Variants in LSAMP observed in about 807,000 individuals in gnomAD.
The protein encoded by LSAMP is limbic system associated membrane protein.
Under a neutral mutation model 38.6 loss-of-function variants are expected in LSAMP, and 7 were observed. That is an observed-to-expected ratio of 0.18 (90% CI 0.10 to 0.34). LSAMP has a LOEUF of 0.34. Ranked by LOEUF, LSAMP falls within the 10% of genes least tolerant of loss-of-function variation. LSAMP has a pLI of 1.00. For missense variants in LSAMP, 313 were observed against 420.0 expected (o/e 0.75, Z 2.23); for synonymous variants, 154 against 166.8 (o/e 0.92, Z 0.59).
At chr3:115,836,056 C>A (rs948104231) in intron 6 of LSAMP, among the ~76,000 whole-genome samples, 1 of 152,106 alleles carries the variant, frequency 6.6e-6, no homozygotes, top group Non-Finnish European at 1.5e-5. Context: ...GTTTAAATGA[C>A]TCAGCTTAAT....
At chr3:115,964,805 A>G (rs1487100167) in intron 3 of LSAMP, among the ~76,000 whole-genome samples, 2 of 152,160 alleles carry the variant, frequency 1.3e-5, no homozygotes, top group Non-Finnish European at 2.9e-5. Context: ...ACAATATTAT[A>G]CCAAATGTAG....
chr3:116,075,495 G>A (rs1289746939), intron 2 of LSAMP, among the ~76,000 whole-genome samples: 2 of 151,114 alleles, frequency 1.3e-5, no homozygotes, highest in Non-Finnish European at 2.9e-5. Flanking sequence ...ATATGCCAAT[G>A]GCATTAAAGC....
intron 1 of LSAMP, among the ~76,000 whole-genome samples, chr3:116,415,118 T>C (rs922896692): frequency 2.6e-5 from 4 of 152,138 alleles, no homozygotes; most frequent in African/African-American, 7.2e-5. Context: ...AATTTGAAGA[T>C]GCTTTCAGAT....
intron 1 of LSAMP, among the ~76,000 whole-genome samples, chr3:116,141,888 T>A (rs186729237): frequency 2.0e-5 from 3 of 152,086 alleles, no homozygotes; most frequent in Non-Finnish European, 2.9e-5. Flanking sequence ...AGGCAAGTGA[T>A]TGTCTTTTGT....
intron 1 of LSAMP, among the ~76,000 whole-genome samples, chr3:116,203,500 T>C (rs1257460138): frequency 2.6e-5 from 4 of 151,392 alleles, no homozygotes; most frequent in Non-Finnish European, 5.9e-5. Context: ...CTGCACCCAC[T>C]AACTCGTCAT....
At chr3:116,083,273 C>T (rs767956509) in intron 2 of LSAMP, among the ~76,000 whole-genome samples, 3 of 152,150 alleles carry the variant, frequency 2.0e-5, no homozygotes, top group Non-Finnish European at 4.4e-5. Context: ...TCATCAACAG[C>T]ATTGTTATCA....
At chr3:115,814,248 A>G (rs1577029485) in intron 6 of LSAMP, 2 of 152,236 alleles carry the variant, frequency 1.3e-5, no homozygotes, top group African/African-American at 2.4e-5. Context: ...ACTGCAAATC[A>G]TAAGTCAACA....
At chr3:116,282,366 G>A (rs1003208044) in intron 1 of LSAMP, among the ~76,000 whole-genome samples, 10 of 152,082 alleles carry the variant, frequency 6.6e-5, no homozygotes, top group Non-Finnish European at 1.3e-4. Context: ...AAAAAAATCT[G>A]TTCTTTTAAC....
rs554260652 is a variant in LSAMP at position 116,043,906 on chromosome 3, G to A, written c.389-24266C>T. On this transcript the variant is annotated intron_variant, in intron 2 of 6. Transcript: ENST00000490035. ...GCTTGCACTGAGCCAAGATCGCGCCGCTGCACTCCCGCCTGGGCGAAAGAG... is the reference window on the plus strand; with the variant it reads ...GCTTGCACTGAGCCAAGATCGCGCCACTGCACTCCCGCCTGGGCGAAAGAG... Among the ~76,000 whole-genome samples, 589 of 152,256 alleles carry A rather than the reference G, an allele frequency of 3.9e-3. 4 individuals are homozygous for A. The highest frequency in any genetic ancestry group is 0.013 in the African/African-American group (552 of 41,564).
At chr3:115,996,895 C>T (rs1014744638) in intron 3 of LSAMP, among the ~76,000 whole-genome samples, 2 of 152,132 alleles carry the variant, frequency 1.3e-5, no homozygotes, top group Non-Finnish European at 2.9e-5. Flanking sequence ...TCGTCCCAAT[C>T]TCCCACCCAC....
intron 1 of LSAMP, among the ~76,000 whole-genome samples, chr3:116,323,404 A>G (rs983817360): frequency 2.0e-5 from 3 of 152,030 alleles, no homozygotes; most frequent in African/African-American, 7.2e-5. Flanking sequence ...TTCAGCTTCA[A>G]TATTCTTTTC....
At chr3:115,961,447 G>C (rs562445177) in intron 3 of LSAMP, among the ~76,000 whole-genome samples, 3 of 152,296 alleles carry the variant, frequency 2.0e-5, no homozygotes, top group East Asian at 1.9e-4. Context: ...AAAAGCATAA[G>C]TTTTTGTGTT....
intron 1 of LSAMP, among the ~76,000 whole-genome samples, chr3:116,169,164 A>T (rs1013343588): frequency 6.6e-6 from 1 of 152,100 alleles, no homozygotes; most frequent in Non-Finnish European, 1.5e-5. Flanking sequence ...TGATCACGCC[A>T]CTCCATTCCA....
intron 1 of LSAMP, among the ~76,000 whole-genome samples, chr3:116,171,538 T>A (rs1367477493): frequency 6.6e-6 from 1 of 152,108 alleles, no homozygotes; most frequent in Non-Finnish European, 1.5e-5. Flanking sequence ...CCTGATTTTT[T>A]TAAATCTGAT....
At chr3:116,049,407 T>C (rs945401976) in intron 2 of LSAMP, among the ~76,000 whole-genome samples, 3 of 152,178 alleles carry the variant, frequency 2.0e-5, no homozygotes, top group African/African-American at 7.2e-5. Flanking sequence ...ATAAACTATT[T>C]GAAAAATTCC....
At chr3:116,268,033 A>G (rs532588055) in intron 1 of LSAMP, among the ~76,000 whole-genome samples, 8 of 152,264 alleles carry the variant, frequency 5.3e-5, no homozygotes, top group African/African-American at 1.9e-4. Flanking sequence ...ATTCTGATAT[A>G]ATTTCTGCTC....
At chr3:116,233,973 T>C (rs562058709) in intron 1 of LSAMP, among the ~76,000 whole-genome samples, 30 of 152,320 alleles carry the variant, frequency 2.0e-4, no homozygotes, top group Middle Eastern at 3.4e-3. Context: ...ACTCTCCACT[T>C]GAAGTGCTGG....
At chr3:115,949,878 G>C (rs1938226859) in intron 3 of LSAMP, among the ~76,000 whole-genome samples, 1 of 151,984 alleles carries the variant, frequency 6.6e-6, no homozygotes, top group Non-Finnish European at 1.5e-5. Flanking sequence ...ATATCAAAAA[G>C]ATAATACACC....
chr3:116,370,493 C>T (rs1014933789), intron 1 of LSAMP, among the ~76,000 whole-genome samples: 4 of 152,110 alleles, frequency 2.6e-5, no homozygotes, highest in African/African-American at 7.2e-5. Context: ...TAATTTTGTC[C>T]AATCTCATCA....
Sources: allele counts gnomAD v4.1 joint callset (sites outside exome capture counted in the v4.1 genomes callset), GRCh38; gene constraint gnomAD v4.1.1; transcripts MANE v1.5; gene names NCBI Gene and HGNC (gene_info 2026-07-23, HGNC 2026-07-21).